DGKA: variants seen among roughly 807,000 people sequenced by gnomAD.
DGKA encodes 80 kDa diacylglycerol kinase.
A neutral mutation model predicts 105.0 loss-of-function variants in DGKA; 35 were observed. The ratio of observed to expected loss-of-function variants is 0.33; its 90% CI spans 0.25 to 0.44. The LOEUF (loss-of-function observed/expected upper bound fraction) is 0.44, where lower values mean the gene tolerates loss of function less well. DGKA is among the 20% of genes least tolerant of loss of function. The pLI is 1.00. For missense variants in DGKA, 665 were observed against 915.0 expected, an observed-to-expected ratio of 0.73 and a Z score of 3.53; for synonymous variants, 296 against 332.0, an observed-to-expected ratio of 0.89 and a Z score of 1.18.
At chr12:55,930,177 C>T (rs991917140), upstream of DGKA, among the ~76,000 whole-genome samples, 3 of 151,988 alleles carry the variant, frequency 2.0e-5, no homozygotes, top group Non-Finnish European at 2.9e-5. Context: ...TTGATATAGT[C>T]CCTAAACTGG....
intron 3 of DGKA, 129 bp from the exon 4 acceptor site, chr12:55,937,279 A>G: frequency 7.7e-7 from 1 of 1,295,848 alleles, no homozygotes. Flanking sequence ...ACTTAATCAA[A>G]GAAACCATAC....
chr12:55,942,743 TCAAACAG>T (rs1334826330), intron 17 of DGKA: 1 of 194,352 alleles, frequency 5.1e-6, no homozygotes, highest in Non-Finnish European at 1.1e-5. Flanking sequence ...CTTATGCCTT[TCAAACAG>T]AAGGAGTTTG....
In DGKA at chr12:55,951,719, A is replaced by C. The variant is rs776782592; in HGVS notation, c.1523A>C (p.Gln508Pro). 6.2e-7 allele frequency: 1 copy of C among 1,614,118 alleles called. No individual in the cohort carries two copies. The highest frequency in any genetic ancestry group is 1.1e-5 in the South Asian group (1 of 91,084). The change falls in exon 18 of 24, where the codon CAA becomes CCA. Residue 508 changes from glutamine (Q) to proline (P), a missense_variant. By Grantham distance (76) the Gln-to-Pro change is moderately conservative (BLOSUM62 -1). Coordinates refer to ENST00000331886, the MANE Select transcript of DGKA (RefSeq NM_001345.5). The part of the protein sequence containing the change: ...DRWSVEVIPQ[Q>P]TEEKSDPVPF... ...TGGTCTGTGGAGGTGATACCTCAAC[A>C]AACTGAAGAAAAAAGTGACCCAGTC...
intron 13 of DGKA, 117 bp from the exon 14 acceptor site, chr12:55,941,135 G>C: frequency 7.3e-7 from 1 of 1,367,398 alleles, no homozygotes; most frequent in South Asian, 1.3e-5. Flanking sequence ...GAGGGAAACA[G>C]GAGGGAGGGG....
intron 17 of DGKA, among the ~76,000 whole-genome samples, chr12:55,943,650 TTC>T (rs1886455571): frequency 1.3e-5 from 2 of 152,154 alleles, no homozygotes; most frequent in South Asian, 4.1e-4. Context: ...TTTTTTTCTT[TTC>T]TCTTTTTTTT....
At chr12:55,929,103 G>A (rs146344630), upstream of DGKA, 2,447 of 152,086 alleles carry the variant, frequency 0.016, 28 homozygotes, top group Admixed American at 0.026. Flanking sequence ...CCAAGATCGT[G>A]CCACTGCACT....
chr12:55,951,279 T>C (rs1042652814), intron 17 of DGKA, among the ~76,000 whole-genome samples: 1 of 152,222 alleles, frequency 6.6e-6, no homozygotes, highest in African/African-American at 2.4e-5. Flanking sequence ...CTGTGGTCTG[T>C]CTGAATGGGG....
chr12:55,942,867 A>C (rs576733907), intron 17 of DGKA, among the ~76,000 whole-genome samples: 79 of 152,150 alleles, frequency 5.2e-4, no homozygotes, highest in African/African-American at 1.9e-3. Context: ...ATCTTGCTGG[A>C]GATCTTAGGG....
At chr12:55,951,338 C>A (rs1430062941) in intron 17 of DGKA, among the ~76,000 whole-genome samples, 1 of 152,180 alleles carries the variant, frequency 6.6e-6, no homozygotes, top group Non-Finnish European at 1.5e-5. Flanking sequence ...CCCCATTTGT[C>A]ACCCATCTTT....
intron 3 of DGKA, 77 bp downstream of exon 3, chr12:55,937,167 AT>A: frequency 6.6e-7 from 1 of 1,503,906 alleles, no homozygotes; most frequent in Non-Finnish European, 9.3e-7. Context: ...TCCAGGAATT[AT>A]TCTGGGCCTG....
intron 17 of DGKA, among the ~76,000 whole-genome samples, chr12:55,945,392 G>A (rs1886797892): frequency 6.6e-6 from 1 of 152,168 alleles, no homozygotes; most frequent in African/African-American, 2.4e-5. Context: ...AGAGGAAGAG[G>A]AGTTATTAAA....
chr12:55,930,513 T>C (rs1170616558), upstream of DGKA: 2 of 152,336 alleles, frequency 1.3e-5, no homozygotes, highest in East Asian at 1.9e-4. Context: ...ACTACAGGCA[T>C]GTGCCACCAC....
Position 55,940,464 on chromosome 12 carries a change from G to T in DGKA, c.918+31G>T. On this transcript the variant is annotated intron_variant, in intron 11 of 23. Transcript: ENST00000331886. This position sits in a 1 kb window ranked among gnomAD's most constrained non-coding sequence, Gnocchi z 4.3. ...TTTGGGAGCCATCCCTTCTGGGTGC[G>T]TCTTACCCCGCAGAGCTGCCTTCTC... 6.2e-7 allele frequency: 1 copy of T among 1,611,192 alleles called. No individual in the cohort carries two copies. The highest frequency in any genetic ancestry group is 1.1e-5 in the South Asian group (1 of 90,928).
rs2136426888 is a variant in DGKA, at chr12:55,953,508, C to T, written c.2124+98C>T. On this transcript the variant is annotated intron_variant, in intron 23 of 23. Transcript: ENST00000331886. ...TCTTTACACCCTTCTGATGCCTGAACTTCCCCTGCACATCATTCATCCTAA... is the reference window on the plus strand; with the variant it reads ...TCTTTACACCCTTCTGATGCCTGAATTTCCCCTGCACATCATTCATCCTAA... 2.9e-6 allele frequency: 4 copies of T among 1,395,028 alleles called. No individual in the cohort carries two copies. In the East Asian group the frequency reaches 6.8e-5, roughly 24 times the overall value. 86.4% of individuals were successfully genotyped at this position (1,395,028 alleles called of 1,614,324 possible).
intron 6 of DGKA, 63 bp downstream of exon 6, chr12:55,938,623 C>A (rs2136316703): frequency 6.2e-7 from 1 of 1,611,372 alleles, no homozygotes; most frequent in East Asian, 2.2e-5. Context: ...CACCCTCCTG[C>A]CCCAACTCTT....
rs112342959 is a variant in DGKA at position 55,936,646 on chromosome 12, C to T, written c.64+79C>T. 1,716 of 1,586,402 alleles carry T rather than the reference C, an allele frequency of 1.1e-3. 20 individuals carry two copies. The African/African-American group carries it at 0.017, about 15-fold the overall frequency. On this transcript the variant is annotated intron_variant, in intron 2 of 23. Coordinates refer to ENST00000331886, the MANE Select transcript of DGKA (RefSeq NM_001345.5). ...TCCTCCTCCTCATTACACCCCCTGCCCCCCAGCTTCCTCAGTGGCTTTGAG... is the reference window on the plus strand; with the variant it reads ...TCCTCCTCCTCATTACACCCCCTGCTCCCCAGCTTCCTCAGTGGCTTTGAG...
intron 1 of DGKA, among the ~76,000 whole-genome samples, chr12:55,934,170 A>G (rs577564767): frequency 6.6e-6 from 1 of 152,348 alleles, no homozygotes; most frequent in East Asian, 1.9e-4. Flanking sequence ...TTGTAAAAAG[A>G]GAGGCAGAGA....
In DGKA at chr12:55,940,471, C is replaced by G. The variant is rs766528551; in HGVS notation, c.918+38C>G. ...GCCATCCCTTCTGGGTGCGTCTTAC[C>G]CCGCAGAGCTGCCTTCTCCACGGGC... On this transcript the variant is annotated intron_variant, in intron 11 of 23. Transcript: ENST00000331886. The surrounding 1 kb of genome is among the most constrained non-coding windows in gnomAD (Gnocchi z 4.3). 6.2e-7 allele frequency: 1 copy of G among 1,609,370 alleles called. No homozygotes were observed. Among genetic ancestry groups the G allele is most frequent in the Non-Finnish European group, 8.5e-7 (1 of 1,177,332 alleles).
At chr12:55,928,676 C>CAAAAAAAAAAA (rs56280303), upstream of DGKA, among the ~76,000 whole-genome samples, 1 of 47,258 alleles carries the variant, frequency 2.1e-5, no homozygotes, top group African/African-American at 8.8e-5. Flanking sequence ...GACCCCGTCT[C>CAAAAAAAAAAA]AAAAAAAAAA....
Sources: allele counts gnomAD v4.1 joint callset (sites outside exome capture counted in the v4.1 genomes callset), GRCh38; gene constraint gnomAD v4.1.1; non-coding constraint Gnocchi (gnomAD v3.1); transcripts MANE v1.5; gene names NCBI Gene and HGNC (gene_info 2026-07-23, HGNC 2026-07-21).